Variants in QRSL1 observed in about 807,000 individuals in gnomAD.
QRSL1 encodes the protein glutamyl-tRNA(Gln) amidotransferase subunit A, mitochondrial.
A neutral mutation model predicts 61.6 loss-of-function variants in QRSL1; 54 were observed. The observed-to-expected ratio is 0.88, with a 90% CI of 0.70 to 1.10. The LOEUF (loss-of-function observed/expected upper bound fraction) is 1.10, where lower values mean the gene tolerates loss of function less well. Among genes scored for constraint, QRSL1 ranks in the 50% least tolerant of loss-of-function variants. The pLI is 0.00. For missense variants in QRSL1, 505 were observed against 622.6 expected (o/e 0.81, Z 2.01); for synonymous variants, 228 against 225.7 (o/e 1.01, Z -0.09).
chr6:106,644,910 A>C (rs12216505), intron 4 of QRSL1, among the ~76,000 whole-genome samples: 52,097 of 152,074 alleles, frequency 0.34, 9,477 homozygotes, highest in Non-Finnish European at 0.41. Flanking sequence ...ATTCACTTCG[A>C]ATTAGATTTT....
chr6:106,654,947 T>C (rs371307434), intron 8 of QRSL1, 25 bp downstream of exon 8: 2 of 1,525,798 alleles, frequency 1.3e-6, no homozygotes, highest in African/African-American at 2.8e-5. Flanking sequence ...TTATTTTATT[T>C]TTAAGGTAGT....
intron 5 of QRSL1, among the ~76,000 whole-genome samples, chr6:106,650,976 G>T (rs565062506): frequency 2.0e-5 from 3 of 152,260 alleles, no homozygotes; most frequent in African/African-American, 7.2e-5. Flanking sequence ...AAATGTACCA[G>T]CCTAACCATT....
chr6:106,648,228 G>A (rs1267653051), intron 4 of QRSL1, among the ~76,000 whole-genome samples: 2 of 151,730 alleles, frequency 1.3e-5, no homozygotes, highest in African/African-American at 4.8e-5. Context: ...TCTGGGAGGC[G>A]GAGGTTGCAG....
chr6:106,639,111 G>GTGTTTTTTTTTTTTTT (rs1776967983), intron 1 of QRSL1, among the ~76,000 whole-genome samples: 1 of 60,754 alleles, frequency 1.6e-5, no homozygotes, highest in African/African-American at 6.7e-5. Flanking sequence ...TTATTTGTGT[G>GTGTTTTTTTTTTTTTT]TTTTGTTGTT....
At chr6:106,645,443 G>GC (rs1777092678) in intron 4 of QRSL1, among the ~76,000 whole-genome samples, 3 of 149,194 alleles carry the variant, frequency 2.0e-5, no homozygotes, top group African/African-American at 4.9e-5. Flanking sequence ...TTTTTTTTGA[G>GC]ACAGAATCTC....
intron 4 of QRSL1, 46 bp from the exon 5 acceptor site, chr6:106,648,979 T>C (rs1434471253): frequency 6.4e-7 from 1 of 1,551,624 alleles, no homozygotes. Context: ...AATTTTCACA[T>C]AAAATGAAAG....
At chr6:106,631,663 T>TAAA (rs56039238) in intron 1 of QRSL1, among the ~76,000 whole-genome samples, 2 of 151,510 alleles carry the variant, frequency 1.3e-5, no homozygotes, top group Admixed American at 6.6e-5. Flanking sequence ...TGATTGTTTT[T>TAAA]AAAAAAAAAT....
intron 8 of QRSL1, among the ~76,000 whole-genome samples, chr6:106,655,169 C>T (rs1777247550): frequency 6.6e-6 from 1 of 152,122 alleles, no homozygotes; most frequent in Admixed American, 6.5e-5. Context: ...TTGTCATATG[C>T]TCAGTCCCGC....
chr6:106,666,124 C>A lies in QRSL1; in HGVS notation c.*122C>A. 1.3e-6 allele frequency: 1 copy of A among 780,156 alleles called. No individual in the cohort carries two copies. The highest frequency in any genetic ancestry group is 2.1e-6 in the Non-Finnish European group (1 of 477,660). 48.3% of individuals were successfully genotyped at this position (780,156 alleles called of 1,614,324 possible). On this transcript the variant is annotated 3_prime_UTR_variant, in exon 11 of 11. Coordinates refer to ENST00000369046, the MANE Select transcript of QRSL1 (RefSeq NM_018292.5). ...GTCAGAAGATCTAGAACAGCCTGGTCAACATGGTGAAACCCCGTCTCTACT... is the reference window on the plus strand; with the variant it reads ...GTCAGAAGATCTAGAACAGCCTGGTAAACATGGTGAAACCCCGTCTCTACT...
intron 9 of QRSL1, among the ~76,000 whole-genome samples, chr6:106,661,898 A>T (rs1039281503): frequency 6.6e-6 from 1 of 151,024 alleles, no homozygotes; most frequent in African/African-American, 2.4e-5. Context: ...TTTAGTAGAG[A>T]TGGGGTTTCT....
chr6:106,651,934 A>G (rs1777192739), intron 5 of QRSL1, among the ~76,000 whole-genome samples: 2 of 152,144 alleles, frequency 1.3e-5, no homozygotes, highest in African/African-American at 4.8e-5. Context: ...AGGGATGGAA[A>G]CTCATGATTA....
intron 2 of QRSL1, 24 bp from the exon 3 acceptor site, chr6:106,640,799 C>T: frequency 6.4e-7 from 1 of 1,559,230 alleles, no homozygotes; most frequent in South Asian, 1.1e-5. Context: ...TCTCCTTTAT[C>T]ACTCTTTTGG....
chr6:106,648,346 A>C (rs904590007), intron 4 of QRSL1, among the ~76,000 whole-genome samples: 4 of 152,152 alleles, frequency 2.6e-5, no homozygotes, highest in African/African-American at 9.7e-5. Flanking sequence ...GAGATTGATA[A>C]CTATACTGTG....
intron 1 of QRSL1, among the ~76,000 whole-genome samples, chr6:106,630,949 C>T (rs558040625): frequency 2.0e-4 from 30 of 152,194 alleles, no homozygotes; most frequent in Non-Finnish European, 4.0e-4. Context: ...TAAATATGCC[C>T]GGCGCGGTGG....
chr6:106,632,374 A>G (rs552035126), intron 1 of QRSL1, among the ~76,000 whole-genome samples: 1 of 151,722 alleles, frequency 6.6e-6, no homozygotes, highest in South Asian at 2.1e-4. Context: ...ATTTTTATTT[A>G]TTTATTTTTA....
intron 3 of QRSL1, among the ~76,000 whole-genome samples, chr6:106,641,719 T>G (rs1038107824): frequency 2.6e-5 from 4 of 152,144 alleles, no homozygotes; most frequent in African/African-American, 9.7e-5. Flanking sequence ...TAGTTGAAAA[T>G]AAAGATCTAT....
intron 2 of QRSL1, 121 bp downstream of exon 2, chr6:106,640,629 C>A: frequency 9.7e-7 from 1 of 1,030,352 alleles, no homozygotes; most frequent in Non-Finnish European, 1.4e-6. Flanking sequence ...AAAGAACTTG[C>A]CATGAGGATA....
At chr6:106,630,563 C>A (rs1199093198) in intron 1 of QRSL1, among the ~76,000 whole-genome samples, 1 of 152,184 alleles carries the variant, frequency 6.6e-6, no homozygotes, top group Admixed American at 6.5e-5. Flanking sequence ...CGTCACTCAA[C>A]CTTAGAACTG....
intron 4 of QRSL1, among the ~76,000 whole-genome samples, chr6:106,644,799 G>A (rs372346448): frequency 6.6e-5 from 10 of 152,298 alleles, no homozygotes; most frequent in East Asian, 3.9e-4. Flanking sequence ...GATCATAGAC[G>A]TGAGCCATCG....
Sources: gnomAD v4.1 joint callset for allele counts (sites outside exome capture counted in the v4.1 genomes callset) on GRCh38, gnomAD v4.1.1 for gene constraint, MANE v1.5 for transcripts, NCBI Gene and HGNC (gene_info 2026-07-23, HGNC 2026-07-21) for gene names.